Variants in ADAMTS3 observed in about 807,000 individuals in gnomAD.
ADAMTS3 encodes the protein ADAM metallopeptidase with thrombospondin type 1 motif 3, also known as A disintegrin and metalloproteinase with thrombospondin motifs 3.
ADAMTS3 carries 73 observed loss-of-function variants against 129.0 expected under a neutral mutation model. That is an observed-to-expected ratio of 0.57 (90% confidence interval 0.47 to 0.69). The LOEUF (loss-of-function observed/expected upper bound fraction) is 0.69, where lower values mean the gene tolerates loss of function less well. Among genes scored for constraint, ADAMTS3 ranks in the 30% least tolerant of loss-of-function variants. ADAMTS3 has a pLI of 0.00. For missense variants in ADAMTS3, 1,457 were observed against 1,514.5 expected (o/e 0.96, Z 0.63); for synonymous variants, 477 against 510.8 (o/e 0.93, Z 0.89).
At chr4:72,548,935 G>A (rs1210435134) in intron 2 of ADAMTS3, 51 bp from the exon 3 acceptor site, 1 of 1,542,942 alleles carries the variant, frequency 6.5e-7, no homozygotes, top group Non-Finnish European at 8.8e-7. Context: ...AGAGAACACA[G>A]GAGAACATAA....
In ADAMTS3 at chr4:72,281,952, T is replaced by G. The variant is rs977415947; in HGVS notation, c.*1184A>C. ...CTGACATAAATTATTAGCACATTAT[T>G]GCAGTCAGATGCATTGTGGTTGTGA... On this transcript the variant is annotated 3_prime_UTR_variant, in exon 22 of 22. Transcript: ENST00000286657. 6.6e-6 allele frequency: 1 copy of G among 152,184 alleles called. No individual in the cohort carries two copies. Among genetic ancestry groups the G allele is most frequent in the Admixed American group, 6.5e-5 (1 of 15,274 alleles). The allele number at this position is 152,184 out of a possible 1,614,324, so 9.4% of individuals were successfully genotyped here.
intron 18 of ADAMTS3, among the ~76,000 whole-genome samples, chr4:72,296,527 C>A (rs933197176): frequency 6.6e-6 from 1 of 151,872 alleles, no homozygotes; most frequent in Non-Finnish European, 1.5e-5. Flanking sequence ...TATTTGTATA[C>A]CTTGCATCTA....
At chr4:72,548,433 C>A in intron 3 of ADAMTS3, 45 bp downstream of exon 3, 1 of 1,582,498 alleles carries the variant, frequency 6.3e-7, no homozygotes, top group South Asian at 1.2e-5. Flanking sequence ...CATGGCTGCA[C>A]TCCCAGCACC....
chr4:72,476,925 T>C (rs1286665861), intron 3 of ADAMTS3, among the ~76,000 whole-genome samples: 5 of 152,138 alleles, frequency 3.3e-5, no homozygotes, highest in Non-Finnish European at 7.4e-5. Flanking sequence ...TATCAAATGA[T>C]GCAGAAAATA....
intron 3 of ADAMTS3, among the ~76,000 whole-genome samples, chr4:72,458,486 G>A (rs1050559010): frequency 6.6e-6 from 1 of 151,514 alleles, no homozygotes; most frequent in African/African-American, 2.4e-5. Context: ...TAAGAGGTCT[G>A]GTATTTAAGT....
intron 3 of ADAMTS3, among the ~76,000 whole-genome samples, chr4:72,494,854 C>T (rs906467384): frequency 6.6e-6 from 1 of 152,160 alleles, no homozygotes; most frequent in Non-Finnish European, 1.5e-5. Context: ...CACAGAGTTA[C>T]ATCAGCTAGG....
chr4:72,318,319 G>A (rs1448226344), intron 10 of ADAMTS3, among the ~76,000 whole-genome samples: 2 of 152,184 alleles, frequency 1.3e-5, no homozygotes, highest in Non-Finnish European at 2.9e-5. Context: ...CCTTAAGCAA[G>A]TTGCTTAATC....
intron 4 of ADAMTS3, among the ~76,000 whole-genome samples, chr4:72,392,915 A>ATT (rs36046621): frequency 7.2e-6 from 1 of 139,852 alleles, no homozygotes. Flanking sequence ...TACCCATCGG[A>ATT]TTTTTTTTTT....
chr4:72,291,504 C>A (rs1361941525), intron 19 of ADAMTS3, among the ~76,000 whole-genome samples: 1 of 148,802 alleles, frequency 6.7e-6, no homozygotes, highest in Non-Finnish European at 1.5e-5. Flanking sequence ...TGCGGTGTTT[C>A]GTTTTTTGTC....
chr4:72,455,864 TATACACTG>T (rs1718545555), intron 3 of ADAMTS3, among the ~76,000 whole-genome samples: 1 of 127,228 alleles, frequency 7.9e-6, no homozygotes, highest in Non-Finnish European at 1.6e-5. Flanking sequence ...ATATATAGTA[TATACACTG>T]TATATACTAT....
At chr4:72,517,799 A>C (rs2109735721) in intron 3 of ADAMTS3, among the ~76,000 whole-genome samples, 1 of 151,538 alleles carries the variant, frequency 6.6e-6, no homozygotes, top group African/African-American at 2.4e-5. Context: ...TCCTGGATTC[A>C]TTGATTTTTT....
Position 72,288,624 on chromosome 4 carries a change from A to G in ADAMTS3, c.3049+127T>C, listed in dbSNP as rs1718573375. 20 of 666,344 alleles carry G rather than the reference A, an allele frequency of 3.0e-5. No homozygotes were observed. In the East Asian group the frequency reaches 5.0e-4, roughly 17 times the overall value. 41.3% of individuals were successfully genotyped at this position (666,344 alleles called of 1,614,324 possible). A position where few individuals can be genotyped will look rare whatever the true frequency, so the allele number is the denominator to read the frequency against. Reference sequence around the variant, plus strand: ...AAGAACTGAACTGGACTAATATTTCACAGGTGTTTTCCTTTGGTTATTTAT... The same window carrying G: ...AAGAACTGAACTGGACTAATATTTCGCAGGTGTTTTCCTTTGGTTATTTAT... On this transcript the variant is annotated intron_variant, in intron 21 of 21. Transcript: ENST00000286657.
At chr4:72,419,676 GA>G (rs1722395725) in intron 3 of ADAMTS3, among the ~76,000 whole-genome samples, 1 of 152,094 alleles carries the variant, frequency 6.6e-6, no homozygotes, top group Non-Finnish European at 1.5e-5. Flanking sequence ...TGTGGCCCCA[GA>G]CAATTCTTCT....
At position 72,356,726 on chromosome 4, in the gene ADAMTS3, C is replaced by T. The variant is rs550143301; in HGVS notation, c.662-17033G>A. On this transcript the variant is annotated intron_variant, in intron 4 of 21. Transcript: ENST00000286657. ...AATACAAAACCAATACACAAAATTACTTGCATTTTTTATATTAGCATCAAA... is the reference window on the plus strand; with the variant it reads ...AATACAAAACCAATACACAAAATTATTTGCATTTTTTATATTAGCATCAAA... Among the ~76,000 whole-genome samples, 253 of 151,736 alleles carry T rather than the reference C, an allele frequency of 1.7e-3. 1 individual carries two copies. The highest frequency in any genetic ancestry group is 6.3e-3 in the Admixed American group (96 of 15,214).
At chr4:72,311,272 C>T (rs1216126820) in intron 13 of ADAMTS3, 91 bp from the exon 14 acceptor site, 10 of 1,132,260 alleles carry the variant, frequency 8.8e-6, no homozygotes, top group Non-Finnish European at 9.6e-6. Context: ...TAAGGTTTCA[C>T]TGTGATTTCC....
rs557942840 is a variant in ADAMTS3, at chr4:72,522,856, A to G, written c.504+25622T>C. Among the ~76,000 whole-genome samples, 241 of 152,308 alleles carry G rather than the reference A, an allele frequency of 1.6e-3. 1 individual carries two copies. The highest frequency in any genetic ancestry group is 5.4e-3 in the African/African-American group (226 of 41,570). On this transcript the variant is annotated intron_variant, in intron 3 of 21. Coordinates refer to ENST00000286657, the MANE Select transcript of ADAMTS3 (RefSeq NM_014243.3). ...ACTTCAGACAGTGTTTGAAAAAAGG[A>G]AAGAAATATCTAAGACTGAGCCAGT...
intron 3 of ADAMTS3, among the ~76,000 whole-genome samples, chr4:72,537,286 C>A (rs565948503): frequency 2.0e-5 from 3 of 152,196 alleles, no homozygotes; most frequent in African/African-American, 7.2e-5. Flanking sequence ...ATCACTGATG[C>A]TTCTGATCAT....
At chr4:72,326,647 G>A (rs530901568) in intron 5 of ADAMTS3, among the ~76,000 whole-genome samples, 24 of 151,766 alleles carry the variant, frequency 1.6e-4, no homozygotes, top group Admixed American at 3.9e-4. Flanking sequence ...AACTATACTC[G>A]GCAAAATACA....
chr4:72,495,042 T>C (rs1422192547), intron 3 of ADAMTS3, among the ~76,000 whole-genome samples: 3 of 152,168 alleles, frequency 2.0e-5, no homozygotes, highest in Non-Finnish European at 4.4e-5. Flanking sequence ...GTCTGACATG[T>C]GGGCGCACAC....
Sources: allele counts gnomAD v4.1 joint callset (sites outside exome capture counted in the v4.1 genomes callset), GRCh38; gene constraint gnomAD v4.1.1; transcripts MANE v1.5; gene names NCBI Gene and HGNC (gene_info 2026-07-23, HGNC 2026-07-21).